KEL: variants seen among roughly 807,000 people sequenced by gnomAD.
The protein encoded by KEL is Kell metallo-endopeptidase (Kell blood group).
Under a neutral mutation model 99.5 loss-of-function variants are expected in KEL, and 96 were observed. The ratio of observed to expected loss-of-function variants is 0.97; its 90% CI spans 0.82 to 1.14. The LOEUF is 1.14. Ranked by LOEUF, KEL falls within the 50% of genes most tolerant of loss-of-function variation. KEL has a pLI of 0.00. For synonymous variants in KEL, 355 were observed against 354.8 expected, an observed-to-expected ratio of 1.00 and a Z score of -0.01; for missense variants, 926 against 924.2, an observed-to-expected ratio of 1.00 and a Z score of -0.03.
chr7:142,943,249 C>T, intron 16 of KEL, 27 bp downstream of exon 16: 1 of 1,611,798 alleles, frequency 6.2e-7, no homozygotes, highest in Non-Finnish European at 8.5e-7. Context: ...CCTATTATCC[C>T]ACCTCCCAGT....
At chr7:142,943,446 T>C in intron 15 of KEL, 40 bp downstream of exon 15, 2 of 1,606,948 alleles carry the variant, frequency 1.2e-6, no homozygotes, top group South Asian at 2.2e-5. Context: ...TCGGCCCCTC[T>C]TGGGAAACTC....
chr7:142,958,805 C>T (rs1392550369), intron 4 of KEL, among the ~76,000 whole-genome samples: 1 of 152,184 alleles, frequency 6.6e-6, no homozygotes, highest in African/African-American at 2.4e-5. Context: ...CCTATTGTCT[C>T]TAAGGGCAGC....
At chr7:142,942,305 TG>T (rs1038862448) in intron 18 of KEL, 128 bp downstream of exon 18, 98 of 691,790 alleles carry the variant, frequency 1.4e-4, no homozygotes, top group African/African-American at 1.3e-3. Flanking sequence ...AAGATAACAG[TG>T]AGGACATCTG....
At chr7:142,952,717 C>T (rs1450188979) in intron 9 of KEL, 79 bp from the exon 10 acceptor site, 1 of 1,524,070 alleles carries the variant, frequency 6.6e-7, no homozygotes, top group Non-Finnish European at 9.0e-7. Flanking sequence ...TTGTGTAAGT[C>T]ACCTTGATAC....
intron 10 of KEL, 100 bp downstream of exon 10, chr7:142,952,409 C>A: frequency 1.4e-6 from 2 of 1,467,620 alleles, no homozygotes; most frequent in South Asian, 1.1e-5. Context: ...CATCTACCAT[C>A]ACGGCCCCCT....
chr7:142,941,884 C>T (rs1356490664), intron 18 of KEL, among the ~76,000 whole-genome samples: 1 of 151,632 alleles, frequency 6.6e-6, no homozygotes, highest in Non-Finnish European at 1.5e-5. Context: ...TCTTGGCTCA[C>T]TGCAACCTCC....
At position 142,952,496 on chromosome 7, in the gene KEL, C is replaced by T; in HGVS notation, c.1203+13G>A. ...TCGAGTATCTGGGCAAATACACCCGCTCCTCTCCTCACCATGGGTGGTTGC... is the reference window on the plus strand; with the variant it reads ...TCGAGTATCTGGGCAAATACACCCGTTCCTCTCCTCACCATGGGTGGTTGC... On this transcript the variant is annotated intron_variant, in intron 10 of 18. Coordinates refer to ENST00000355265, the MANE Select transcript of KEL (RefSeq NM_000420.3). The T allele has an allele frequency of 6.2e-7, 1 of 1,613,516 alleles. No individual in the cohort carries two copies. Among genetic ancestry groups the T allele is most frequent in the Non-Finnish European group, 8.5e-7 (1 of 1,180,024 alleles).
rs368178327 is a variant in KEL, at chr7:142,962,241, G to T, written c.-35C>A. ...TTCTGTGGCTCCAGAATCCTTCCTG[G>T]TTCCACTCTAGGAGCTGATTCGGAG... On this transcript the variant is annotated 5_prime_UTR_variant, in exon 1 of 19. Coordinates refer to ENST00000355265, the MANE Select transcript of KEL (RefSeq NM_000420.3). 65 of 1,613,884 alleles carry T rather than the reference G, an allele frequency of 4.0e-5. No homozygotes were observed. Among genetic ancestry groups the T allele is most frequent in the Middle Eastern group, 1.6e-4 (1 of 6,084 alleles).
intron 10 of KEL, among the ~76,000 whole-genome samples, chr7:142,948,620 C>A (rs978128097): frequency 6.6e-6 from 1 of 152,106 alleles, no homozygotes; most frequent in African/African-American, 2.4e-5. Context: ...TAATGTGTAA[C>A]TACTAAGGGC....
chr7:142,946,517 T>C, intron 10 of KEL, 200 bp from the exon 11 acceptor site: 1 of 611,008 alleles, frequency 1.6e-6, no homozygotes, highest in South Asian at 1.9e-5. Context: ...GCTGGTCTCA[T>C]GAGCCTGGCT....
intron 18 of KEL, 75 bp from the exon 19 acceptor site, chr7:142,941,488 G>T: frequency 7.1e-7 from 1 of 1,416,590 alleles, no homozygotes; most frequent in East Asian, 2.3e-5. Flanking sequence ...GGGTGATCAG[G>T]GACAGCAGAC....
At chr7:142,955,638 C>T (rs767133219) in intron 6 of KEL, among the ~76,000 whole-genome samples, 1 of 152,086 alleles carries the variant, frequency 6.6e-6, no homozygotes, top group Non-Finnish European at 1.5e-5. Context: ...CCTGATGAAC[C>T]CTTGTTTCTA....
At chr7:142,954,134 G>A in intron 8 of KEL, 50 bp downstream of exon 8, 2 of 1,561,576 alleles carry the variant, frequency 1.3e-6, no homozygotes, top group African/African-American at 1.3e-5. Context: ...GGTAATGTTT[G>A]AGAGGAAGAT....
In KEL at chr7:142,957,814, G is replaced by A; in HGVS notation, c.672+13C>T. Reference sequence around the variant, plus strand: ...GCCAGGTCCAACTGTGTCTTCGCCAGTGCATCCCTCACCTGGATGACTGGT... The same window carrying A: ...GCCAGGTCCAACTGTGTCTTCGCCAATGCATCCCTCACCTGGATGACTGGT... On this transcript the variant is annotated intron_variant, in intron 6 of 18. Coordinates refer to ENST00000355265, the MANE Select transcript of KEL (RefSeq NM_000420.3). 6.2e-7 allele frequency: 1 copy of A among 1,613,980 alleles called. No homozygotes were observed. The highest frequency in any genetic ancestry group is 8.5e-7 in the Non-Finnish European group (1 of 1,179,976).
At chr7:142,945,690 G>A (rs932094857) in intron 11 of KEL, among the ~76,000 whole-genome samples, 7 of 152,036 alleles carry the variant, frequency 4.6e-5, no homozygotes, top group Non-Finnish European at 5.9e-5. Flanking sequence ...GTACAATGGC[G>A]TGATCTCGGC....
At chr7:142,948,726 C>T (rs1460337082) in intron 10 of KEL, among the ~76,000 whole-genome samples, 3 of 152,076 alleles carry the variant, frequency 2.0e-5, no homozygotes, top group East Asian at 1.9e-4. Flanking sequence ...GACCGGAAGC[C>T]GCAAACTCCA....
chr7:142,941,430 G>A lies in KEL; in HGVS notation c.2038-17C>T, dbSNP rs984624405. On this transcript the variant is annotated splice_polypyrimidine_tract_variant and intron_variant, in intron 18 of 18. Transcript: ENST00000355265. ...ACACATCACCTGAGCAGGAAGAGAG[G>A]TCATTGAAGGGGGAGGGTCCACAGG... The A allele has an allele frequency of 6.4e-7, 1 of 1,571,036 alleles. No homozygotes were observed. The highest frequency in any genetic ancestry group is 8.7e-7 in the Non-Finnish European group (1 of 1,155,470).
intron 4 of KEL, 78 bp from the exon 5 acceptor site, chr7:142,958,506 G>A: frequency 7.2e-7 from 1 of 1,384,116 alleles, no homozygotes; most frequent in Non-Finnish European, 1.0e-6. Flanking sequence ...AAGGGGTCTG[G>A]GGAGTCATGC....
intron 9 of KEL, 29 bp from the exon 10 acceptor site, chr7:142,952,667 T>C: frequency 1.9e-6 from 3 of 1,613,400 alleles, no homozygotes; most frequent in South Asian, 1.1e-5. Context: ...CCCACACATA[T>C]ACCCCAGGAA....
Sources: gnomAD v4.1 joint callset for allele counts (sites outside exome capture counted in the v4.1 genomes callset) on GRCh38, gnomAD v4.1.1 for gene constraint, MANE v1.5 for transcripts, NCBI Gene and HGNC (gene_info 2026-07-23, HGNC 2026-07-21) for gene names.